TMEM91: variants seen among roughly 807,000 people sequenced by gnomAD.
TMEM91 encodes dispanin subfamily C member 3.
In TMEM91, 6 loss-of-function variants were observed where a neutral mutation model predicts 13.3. The observed-to-expected ratio is 0.45, with a 90% CI of 0.25 to 0.89. The LOEUF is 0.89. Ranked by LOEUF, TMEM91 falls within the 40% of genes least tolerant of loss-of-function variation. TMEM91 has a pLI of 0.19. For missense variants in TMEM91, 193 were observed against 228.7 expected (o/e 0.84, Z 1.01); for synonymous variants, 87 against 101.7 (o/e 0.86, Z 0.87).
intron 2 of TMEM91, among the ~76,000 whole-genome samples, chr19:41,381,346 C>T (rs1438894470): frequency 2.0e-5 from 3 of 147,618 alleles, no homozygotes; most frequent in African/African-American, 7.5e-5. Context: ...CACAAGACAC[C>T]ATGCCTAGCT....
At chr19:41,374,906 C>T (rs191517180), upstream of TMEM91, among the ~76,000 whole-genome samples, 75 of 152,244 alleles carry the variant, frequency 4.9e-4, no homozygotes, top group African/African-American at 1.8e-3. Context: ...TCGCTTGAAC[C>T]TGGGAGGCGG....
Position 41,378,275 on chromosome 19 carries a change from C to G in TMEM91, c.-29-6C>G, listed in dbSNP as rs1283399150. ...CAACTTGTCTTTTTCTTCCCCCTACCCCTAGGAAACCCCTCCTGGAGTTTC... is the reference window on the plus strand; with the variant it reads ...CAACTTGTCTTTTTCTTCCCCCTACGCCTAGGAAACCCCTCCTGGAGTTTC... On this transcript the variant is annotated splice_polypyrimidine_tract_variant and splice_region_variant and intron_variant, in intron 1 of 3. Coordinates refer to ENST00000392002, the MANE Select transcript of TMEM91 (RefSeq NM_001098821.2). 4 of 1,593,644 alleles carry G rather than the reference C, an allele frequency of 2.5e-6. No homozygotes were observed. Among genetic ancestry groups the G allele is most frequent in the Non-Finnish European group, 3.4e-6 (4 of 1,165,230 alleles).
chr19:41,372,331 G>A (rs1464501889), upstream of TMEM91, among the ~76,000 whole-genome samples: 4 of 151,874 alleles, frequency 2.6e-5, no homozygotes, highest in African/African-American at 9.7e-5. Context: ...GGGCAACAGA[G>A]TGAGACTTCC....
intron 1 of TMEM91, among the ~76,000 whole-genome samples, chr19:41,369,377 G>T (rs1273065804): frequency 6.6e-6 from 1 of 151,826 alleles, no homozygotes; most frequent in Admixed American, 6.6e-5. Context: ...ATGTATGGCC[G>T]CGCCTGGCCA....
At chr19:41,379,421 C>T (rs945504626) in intron 2 of TMEM91, among the ~76,000 whole-genome samples, 4 of 150,172 alleles carry the variant, frequency 2.7e-5, no homozygotes, top group Non-Finnish European at 5.9e-5. Context: ...GTAGTACCAG[C>T]TACTTGGGAG....
intron 1 of TMEM91, among the ~76,000 whole-genome samples, chr19:41,371,421 C>G (rs1040784585): frequency 7.6e-5 from 2 of 26,170 alleles, no homozygotes; most frequent in African/African-American, 2.8e-4. Flanking sequence ...TTCTCTCTCT[C>G]TCTTTCTCTC....
At chr19:41,372,313 TCCAG>T (rs1291056133), upstream of TMEM91, among the ~76,000 whole-genome samples, 1 of 151,956 alleles carries the variant, frequency 6.6e-6, no homozygotes, top group Non-Finnish European at 1.5e-5. Context: ...GCCACTGCAC[TCCAG>T]TCTGGGCAAC....
chr19:41,372,702 G>A (rs879839470), upstream of TMEM91, among the ~76,000 whole-genome samples: 6 of 152,048 alleles, frequency 3.9e-5, no homozygotes, highest in East Asian at 1.2e-3. Flanking sequence ...TCAGACCAGA[G>A]GCAACTAAGG....
chr19:41,370,056 C>T (rs1386011082), intron 1 of TMEM91, among the ~76,000 whole-genome samples: 1 of 152,022 alleles, frequency 6.6e-6, no homozygotes, highest in Non-Finnish European at 1.5e-5. Context: ...TATTTTCTTT[C>T]AATGTATTTA....
At chr19:41,374,884 G>A (rs1041118919), upstream of TMEM91, among the ~76,000 whole-genome samples, 3 of 152,158 alleles carry the variant, frequency 2.0e-5, no homozygotes, top group Admixed American at 6.5e-5. Flanking sequence ...TCGGGAGGCT[G>A]AGGCAGGAGA....
In TMEM91 at chr19:41,382,917, A is replaced by C; in HGVS notation, c.356A>C (p.Gln119Pro). Residue 119 changes from glutamine (Q) to proline (P), a missense_variant, in exon 3 of 4, where the codon CAG becomes CCG. Gln to Pro is a moderately conservative substitution (Grantham distance 76). Transcript: ENST00000392002. ...PVGIAAFCLA[Q>P]KTNKAWAKGD... is the part of the protein sequence containing the mutation. ...GGCATCGCTGCCTTCTGTCTAGCCCAGAAGGTCAGTCTGTGTGTGGGACTT... is the reference window on the plus strand; with the variant it reads ...GGCATCGCTGCCTTCTGTCTAGCCCCGAAGGTCAGTCTGTGTGTGGGACTT... The C allele has an allele frequency of 4.3e-6, 7 of 1,613,992 alleles. No individual in the cohort carries two copies. Among genetic ancestry groups the C allele is most frequent in the Non-Finnish European group, 5.9e-6 (7 of 1,179,948 alleles).
chr19:41,366,184 T>G (rs564576415), intron 1 of TMEM91, among the ~76,000 whole-genome samples: 2 of 151,682 alleles, frequency 1.3e-5, no homozygotes, highest in South Asian at 2.1e-4. Context: ...GAAAATGTAT[T>G]TATTTATTTA....
In TMEM91 at chr19:41,383,899, C is replaced by T; in HGVS notation, c.*26C>T. 3.2e-6 allele frequency: 5 copies of T among 1,587,298 alleles called. No individual in the cohort carries two copies. The highest frequency in any genetic ancestry group is 4.3e-6 in the Non-Finnish European group (5 of 1,169,804). ...TTGCCCCTACAGCCCTCACTGTGAA[C>T]CCTGAGGCCGGCAGCCCAGCAAATC... On this transcript the variant is annotated 3_prime_UTR_variant, in exon 4 of 4. Coordinates refer to ENST00000392002, the MANE Select transcript of TMEM91 (RefSeq NM_001098821.2).
At chr19:41,378,751 G>A (rs998415502) in intron 2 of TMEM91, among the ~76,000 whole-genome samples, 1 of 152,022 alleles carries the variant, frequency 6.6e-6, no homozygotes, top group Non-Finnish European at 1.5e-5. Context: ...AGACTCCGCT[G>A]GTTGGTGTCT....
At chr19:41,379,928 C>T (rs1413108145) in intron 2 of TMEM91, among the ~76,000 whole-genome samples, 2 of 127,050 alleles carry the variant, frequency 1.6e-5, no homozygotes, top group Non-Finnish European at 3.2e-5. Flanking sequence ...GAGTTTCACC[C>T]TTGTTGCCCA....
At chr19:41,381,629 G>A (rs935205040) in intron 2 of TMEM91, among the ~76,000 whole-genome samples, 2 of 152,072 alleles carry the variant, frequency 1.3e-5, no homozygotes, top group African/African-American at 2.4e-5. Flanking sequence ...CTCCCAAAGT[G>A]CTGGGCTTAC....
At chr19:41,374,668 C>CCA (rs1435696187), upstream of TMEM91, among the ~76,000 whole-genome samples, 1 of 152,000 alleles carries the variant, frequency 6.6e-6, no homozygotes, top group African/African-American at 2.4e-5. Context: ...TGTCTAGAGG[C>CCA]CACACACTCA....
At chr19:41,381,226 C>T (rs899383491) in intron 2 of TMEM91, among the ~76,000 whole-genome samples, 2 of 151,794 alleles carry the variant, frequency 1.3e-5, no homozygotes, top group Non-Finnish European at 2.9e-5. Context: ...CTTCTTGCTC[C>T]GTTGCTCAGG....
intron 1 of TMEM91, among the ~76,000 whole-genome samples, chr19:41,370,026 G>C (rs1038232288): frequency 6.6e-6 from 1 of 151,966 alleles, no homozygotes; most frequent in Non-Finnish European, 1.5e-5. Context: ...CTCTTCTGCA[G>C]CTCCTGGTAA....
Sources: gnomAD v4.1 joint callset for allele counts (sites outside exome capture counted in the v4.1 genomes callset) on GRCh38, gnomAD v4.1.1 for gene constraint, MANE v1.5 for transcripts, NCBI Gene and HGNC (gene_info 2026-07-23, HGNC 2026-07-21) for gene names.